Variants in KLC1 observed in about 807,000 individuals in gnomAD.
KLC1 encodes kinesin light chain 1.
KLC1 carries 30 observed loss-of-function variants against 84.2 expected under a neutral mutation model. The observed-to-expected ratio is 0.36, with a 90% CI of 0.27 to 0.48. The LOEUF is 0.48. Among genes scored for constraint, KLC1 ranks in the 20% least tolerant of loss-of-function variants. KLC1 has a pLI of 0.99. For synonymous variants in KLC1, 289 were observed against 293.3 expected (o/e 0.99, Z 0.15); for missense variants, 499 against 805.4 (o/e 0.62, Z 4.60).
At chr14:103,655,475 T>G (rs972838945) in intron 2 of KLC1, among the ~76,000 whole-genome samples, 2 of 151,288 alleles carry the variant, frequency 1.3e-5, no homozygotes, top group African/African-American at 4.9e-5. Context: ...GCTAATTTTG[T>G]ATTTTTAGTA....
intron 1 of KLC1, among the ~76,000 whole-genome samples, chr14:103,637,556 G>T (rs991850298): frequency 6.6e-6 from 1 of 151,872 alleles, no homozygotes; most frequent in Non-Finnish European, 1.5e-5. Flanking sequence ...TTTTCGCAGG[G>T]TTTATTTTTA....
intron 5 of KLC1, 120 bp downstream of exon 5, chr14:103,663,047 C>A: frequency 1.7e-6 from 1 of 582,784 alleles, no homozygotes; most frequent in Non-Finnish European, 2.8e-6. Context: ...ATCCACTTCT[C>A]TTTAAACAGG....
chr14:103,651,995 C>G (rs1316291292), intron 1 of KLC1, among the ~76,000 whole-genome samples: 1 of 152,192 alleles, frequency 6.6e-6, no homozygotes, highest in Non-Finnish European at 1.5e-5. Context: ...TTGCATGTCC[C>G]CAAGGGCGAG....
chr14:103,664,832 T>C (rs1423422192), intron 5 of KLC1, among the ~76,000 whole-genome samples: 3 of 150,908 alleles, frequency 2.0e-5, no homozygotes, highest in African/African-American at 7.3e-5. Flanking sequence ...TTTTTTTTTT[T>C]TTTTTTTTTT....
chr14:103,631,181 C>T (rs918439154), intron 1 of KLC1, among the ~76,000 whole-genome samples: 1 of 151,374 alleles, frequency 6.6e-6, no homozygotes, highest in Admixed American at 6.6e-5. Flanking sequence ...CCCGGGTTCA[C>T]GCCATTCTCC....
intron 15 of KLC1, chr14:103,696,441 G>A: frequency 2.0e-6 from 2 of 984,278 alleles, no homozygotes; most frequent in Non-Finnish European, 2.4e-6. Flanking sequence ...AGTGTTTATA[G>A]TAAGATGTAT....
intron 13 of KLC1, 42 bp downstream of exon 13, chr14:103,679,587 C>T: frequency 6.6e-7 from 1 of 1,514,008 alleles, no homozygotes; most frequent in Non-Finnish European, 9.1e-7. Context: ...GGGAGGCGCC[C>T]CCAAGTGGCG....
At chr14:103,690,234 AGAT>A (rs1263937349) in intron 14 of KLC1, among the ~76,000 whole-genome samples, 3 of 152,206 alleles carry the variant, frequency 2.0e-5, no homozygotes, top group Non-Finnish European at 2.9e-5. Flanking sequence ...TGAGTATGTC[AGAT>A]GATAATTTAC....
intron 15 of KLC1, chr14:103,699,474 C>T (rs768891111): frequency 6.2e-7 from 1 of 1,612,850 alleles, no homozygotes; most frequent in South Asian, 1.1e-5. Context: ...CTGTCAAATT[C>T]ACAGCGGAAT....
At chr14:103,690,159 C>T (rs554757405) in intron 14 of KLC1, among the ~76,000 whole-genome samples, 2 of 148,972 alleles carry the variant, frequency 1.3e-5, no homozygotes, top group Admixed American at 6.7e-5. Flanking sequence ...CCAGCCTGGG[C>T]GATGGAGTGA....
At chr14:103,676,497 C>T (rs2080888800) in intron 11 of KLC1, among the ~76,000 whole-genome samples, 1 of 152,144 alleles carries the variant, frequency 6.6e-6, no homozygotes, top group Admixed American at 6.5e-5. Context: ...AACTCCTGAC[C>T]TCAGGTGATC....
rs1015212061 is a variant in KLC1 at position 103,654,491 on chromosome 14, T to C, written c.-1-73T>C. On this transcript the variant is annotated intron_variant, in intron 1 of 16. Coordinates refer to ENST00000334553, the MANE Select transcript of KLC1 (RefSeq NM_001394837.1). The stretch of plus-strand genomic sequence containing the variant: ...CTATAAAATGTTAATTAAAAAATTT[T>C]CATATTTACTTGATGTAACAGAAAT... 19 of 1,276,020 alleles carry C rather than the reference T, an allele frequency of 1.5e-5. No individual in the cohort carries two copies. The African/African-American group carries it at 1.8e-4, about 12-fold the overall frequency. 79.0% of individuals were successfully genotyped at this position (1,276,020 alleles called of 1,614,324 possible).
Position 103,642,018 on chromosome 14 carries a change from C to T in KLC1, c.-2+12524C>T, listed in dbSNP as rs578202534. On this transcript the variant is annotated intron_variant, in intron 1 of 16. Coordinates refer to ENST00000334553, the MANE Select transcript of KLC1 (RefSeq NM_001394837.1). ...TGATCTCAGCTCACTGCAACCTCTG[C>T]CTGCTGGGTTCAAGCTATTCTCCTG... 3.9e-5 allele frequency among the ~76,000 whole-genome samples: 6 copies of T among 152,266 alleles called. No individual in the cohort carries two copies. In the East Asian group the frequency reaches 1.2e-3, roughly 29 times the overall value.
chr14:103,657,734 T>C lies in KLC1; in HGVS notation c.450T>C (p.Phe150=), dbSNP rs2151521234. 2 of 1,614,126 alleles carry C rather than the reference T, an allele frequency of 1.2e-6. No homozygotes were observed. Among genetic ancestry groups the C allele is most frequent in the Non-Finnish European group, 1.7e-6 (2 of 1,180,022 alleles). ...QLEEEKKHLE[F]MNQLKKYDDD... ...AGGAGGAGAAGAAGCATCTGGAGTT[T>C]ATGAATCAGCTAAAAAAATATGATG... The change falls in exon 3 of 17, where the codon TTT becomes TTC. Residue 150 remains phenylalanine (F), a synonymous_variant. Coordinates refer to ENST00000334553, the MANE Select transcript of KLC1 (RefSeq NM_001394837.1).
chr14:103,675,215 C>T (rs2080776815), intron 9 of KLC1, among the ~76,000 whole-genome samples: 1 of 152,018 alleles, frequency 6.6e-6, no homozygotes, highest in Non-Finnish European at 1.5e-5. Context: ...ATCCCAGCTA[C>T]TTGAGAGGCT....
At position 103,658,560 on chromosome 14, in the gene KLC1, C is replaced by T. The variant is rs560728690; in HGVS notation, c.492+784C>T. On this transcript the variant is annotated intron_variant, in intron 3 of 16. Transcript: ENST00000334553. Reference sequence around the variant, plus strand: ...AAAGTGCTGGTATTCCAGGTGGGAGCCACCATGCCCAGCCTTCTTTCTCTG... The same window carrying T: ...AAAGTGCTGGTATTCCAGGTGGGAGTCACCATGCCCAGCCTTCTTTCTCTG... Among the ~76,000 whole-genome samples, 13 of 151,412 alleles carry T rather than the reference C, an allele frequency of 8.6e-5. No individual in the cohort carries two copies. In the South Asian group the frequency reaches 2.7e-3, roughly 32 times the overall value.
At chr14:103,669,437 A>G (rs12436497) in intron 5 of KLC1, 74 bp from the exon 6 acceptor site, 17 of 857,132 alleles carry the variant, frequency 2.0e-5, no homozygotes, top group East Asian at 2.8e-5. Context: ...CTGTCTAAAA[A>G]AAAAGAAAAG....
intron 1 of KLC1, among the ~76,000 whole-genome samples, chr14:103,640,779 T>C (rs2077428517): frequency 6.6e-6 from 1 of 152,192 alleles, no homozygotes; most frequent in African/African-American, 2.4e-5. Flanking sequence ...TTAGAATAGT[T>C]ACAGATTTAC....
intron 13 of KLC1, chr14:103,684,932 T>A: frequency 1.3e-6 from 1 of 761,622 alleles, no homozygotes; most frequent in South Asian, 1.5e-5. Context: ...TGTTTTCTTG[T>A]CCTCCCCACA....
Sources: gnomAD v4.1 joint callset for allele counts (sites outside exome capture counted in the v4.1 genomes callset) on GRCh38, gnomAD v4.1.1 for gene constraint, MANE v1.5 for transcripts, NCBI Gene and HGNC (gene_info 2026-07-23, HGNC 2026-07-21) for gene names.